CCSER1: variants seen among roughly 807,000 people sequenced by gnomAD.
CCSER1 encodes coiled-coil serine rich protein 1.
A neutral mutation model predicts 82.0 loss-of-function variants in CCSER1; 41 were observed. That is an observed-to-expected ratio of 0.50 (90% CI 0.39 to 0.65). The LOEUF (loss-of-function observed/expected upper bound fraction) is 0.65, where lower values mean the gene tolerates loss of function less well. Among genes scored for constraint, CCSER1 ranks in the 30% least tolerant of loss-of-function variants. CCSER1 has a pLI of 0.00. For synonymous variants in CCSER1, 414 were observed against 383.9 expected, an observed-to-expected ratio of 1.08 and a Z score of -0.92; for missense variants, 1,119 against 1,064.2, an observed-to-expected ratio of 1.05 and a Z score of -0.72.
At chr4:91,089,100 C>T (rs1400164664) in intron 10 of CCSER1, among the ~76,000 whole-genome samples, 6 of 152,080 alleles carry the variant, frequency 3.9e-5, no homozygotes, top group Non-Finnish European at 8.8e-5. Flanking sequence ...TCCTAAAATC[C>T]GAGCTTGTTG....
intron 3 of CCSER1, among the ~76,000 whole-genome samples, chr4:90,314,824 C>T (rs1452701704): frequency 2.1e-5 from 3 of 140,558 alleles, no homozygotes; most frequent in African/African-American, 7.8e-5. Context: ...CAAAGTCACT[C>T]TTCTCAGATT....
Position 90,628,131 on chromosome 4 carries a change from G to A in CCSER1, c.1831G>A (p.Glu611Lys), listed in dbSNP as rs757167041. Residue 611 changes from glutamate (E) to lysine (K), a missense_variant, in exon 6 of 11, where the codon GAA becomes AAA. By Grantham distance (56) the Glu-to-Lys change is moderately conservative. Coordinates refer to ENST00000509176, the MANE Select transcript of CCSER1 (RefSeq NM_001145065.2). ...PSADWPLQGV[E>K]ENGGIDSLPF... is the part of the protein sequence containing the mutation. The stretch of plus-strand genomic sequence containing the variant: ...TGCGGATTGGCCTCTACAAGGTGTG[G>A]AAGAAAACGGAGGCATAGATTCTCT... The A allele has an allele frequency of 2.5e-6, 4 of 1,613,812 alleles. No individual in the cohort carries two copies. In the Admixed American group the frequency reaches 6.7e-5, roughly 27 times the overall value.
intron 5 of CCSER1, among the ~76,000 whole-genome samples, chr4:90,497,040 GGAAA>G (rs371775452): frequency 1.3e-5 from 2 of 149,568 alleles, no homozygotes; most frequent in African/African-American, 4.9e-5. Flanking sequence ...ATACATAGAA[GGAAA>G]GAGAGACCAA....
intron 7 of CCSER1, among the ~76,000 whole-genome samples, chr4:90,799,219 C>G (rs1162087443): frequency 6.6e-6 from 1 of 152,048 alleles, no homozygotes; most frequent in African/African-American, 2.4e-5. Flanking sequence ...AGTGGTCACT[C>G]AGTACGAGGG....
At chr4:90,410,521 T>C (rs187278828) in intron 4 of CCSER1, among the ~76,000 whole-genome samples, 1 of 152,310 alleles carries the variant, frequency 6.6e-6, no homozygotes, top group East Asian at 1.9e-4. Context: ...CAACCTGTTC[T>C]GAATGACTAC....
At chr4:91,082,424 G>C (rs1329704395) in intron 9 of CCSER1, among the ~76,000 whole-genome samples, 1 of 152,166 alleles carries the variant, frequency 6.6e-6, no homozygotes, top group Non-Finnish European at 1.5e-5. Context: ...ATGGATTAAA[G>C]ACTTAAATGT....
intron 8 of CCSER1, among the ~76,000 whole-genome samples, chr4:90,840,660 C>T (rs527293334): frequency 6.6e-6 from 1 of 152,242 alleles, no homozygotes; most frequent in Non-Finnish European, 1.5e-5. Context: ...ACTACAGTGC[C>T]TATGCATATA....
intron 3 of CCSER1, among the ~76,000 whole-genome samples, chr4:90,320,174 C>T (rs954780181): frequency 2.2e-4 from 33 of 152,126 alleles, no homozygotes; most frequent in East Asian, 7.7e-4. Context: ...GCATTTCTTG[C>T]GGTCATTAAT....
rs768964116 is a variant in CCSER1, at chr4:90,662,000, CT to C, written c.1932+33784del. Among the ~76,000 whole-genome samples, 703 of 136,132 alleles carry C rather than the reference CT, an allele frequency of 5.2e-3. 6 individuals are homozygous for C. The highest frequency in any genetic ancestry group is 7.2e-3 in the Non-Finnish European group (451 of 63,034). The allele number at this position is 136,132 out of a possible 152,430, so 89.3% of individuals were successfully genotyped here. A position where few individuals can be genotyped will look rare whatever the true frequency, so the allele number is the denominator to read the frequency against. Reference sequence around the variant, plus strand: ...TATACCACTCTTTGTTTCTTTCTTTCTTTTTTTTTTTTTTTTGAGACTTAGT... The same window carrying C: ...TATACCACTCTTTGTTTCTTTCTTTCTTTTTTTTTTTTTTTGAGACTTAGT... On this transcript the variant is annotated intron_variant, in intron 6 of 10. Transcript: ENST00000509176.
At chr4:90,604,909 C>G (rs1396971591) in intron 5 of CCSER1, among the ~76,000 whole-genome samples, 1 of 152,186 alleles carries the variant, frequency 6.6e-6, no homozygotes. Context: ...AATCAGCTCT[C>G]TGTAAAATGG....
intron 9 of CCSER1, among the ~76,000 whole-genome samples, chr4:91,040,262 G>A (rs893271117): frequency 2.6e-5 from 4 of 152,024 alleles, no homozygotes; most frequent in Non-Finnish European, 5.9e-5. Flanking sequence ...AGATATTTTG[G>A]TTGTTCATTT....
At chr4:91,320,921 A>C (rs1261782817) in intron 10 of CCSER1, among the ~76,000 whole-genome samples, 1 of 152,072 alleles carries the variant, frequency 6.6e-6, no homozygotes, top group East Asian at 1.9e-4. Context: ...TGAATGATTG[A>C]ATTGTTTAGT....
intron 1 of CCSER1, among the ~76,000 whole-genome samples, chr4:90,300,937 C>T (rs1271486524): frequency 2.0e-5 from 3 of 152,114 alleles, no homozygotes; most frequent in Non-Finnish European, 4.4e-5. Context: ...GTGATCCTCC[C>T]ACTTCAGCCT....
intron 10 of CCSER1, among the ~76,000 whole-genome samples, chr4:91,251,521 A>T (rs1231634197): frequency 6.6e-6 from 1 of 152,200 alleles, no homozygotes; most frequent in African/African-American, 2.4e-5. Flanking sequence ...ATACTTCCTC[A>T]AGAGATAAAG....
intron 8 of CCSER1, among the ~76,000 whole-genome samples, chr4:90,859,861 A>C (rs1254496113): frequency 6.6e-6 from 1 of 151,718 alleles, no homozygotes; most frequent in African/African-American, 2.4e-5. Context: ...TTGTTTTTTA[A>C]CACAGATTTT....
intron 6 of CCSER1, among the ~76,000 whole-genome samples, chr4:90,656,980 A>G (rs1259302996): frequency 6.6e-6 from 1 of 152,066 alleles, no homozygotes; most frequent in African/African-American, 2.4e-5. Flanking sequence ...ATGTGATCAT[A>G]TGCATCATGA....
chr4:90,989,566 T>G (rs2150442878), intron 9 of CCSER1, among the ~76,000 whole-genome samples: 1 of 151,836 alleles, frequency 6.6e-6, no homozygotes, highest in African/African-American at 2.4e-5. Flanking sequence ...ATTTCTACTG[T>G]AAGGGTAAAG....
intron 10 of CCSER1, among the ~76,000 whole-genome samples, chr4:91,257,667 A>T (rs1451254657): frequency 6.6e-6 from 1 of 152,112 alleles, no homozygotes; most frequent in Non-Finnish European, 1.5e-5. Context: ...ATGAAAATAA[A>T]CTTGTTTATT....
At chr4:90,860,736 C>G (rs989094741) in intron 8 of CCSER1, among the ~76,000 whole-genome samples, 1 of 151,526 alleles carries the variant, frequency 6.6e-6, no homozygotes, top group African/African-American at 2.4e-5. Flanking sequence ...CTTGAAAATA[C>G]GCAAAGTCAA....
Sources: gnomAD v4.1 joint callset for allele counts (sites outside exome capture counted in the v4.1 genomes callset) on GRCh38, gnomAD v4.1.1 for gene constraint, MANE v1.5 for transcripts, NCBI Gene and HGNC (gene_info 2026-07-23, HGNC 2026-07-21) for gene names.